The following TACC1 variants were observed in gnomAD, a reference collection of about 807,000 sequenced individuals.
The protein encoded by TACC1 is transforming acidic coiled-coil-containing protein 1.
Under a neutral mutation model 84.4 loss-of-function variants are expected in TACC1, and 48 were observed. That is an observed-to-expected ratio of 0.57 (90% confidence interval 0.45 to 0.72). TACC1 has a LOEUF of 0.72. Among genes scored for constraint, TACC1 ranks in the 30% least tolerant of loss-of-function variants. The pLI is 0.00. For missense variants in TACC1, 920 were observed against 973.0 expected (o/e 0.95, Z 0.72); for synonymous variants, 372 against 376.3 (o/e 0.99, Z 0.13).
rs140309980 is a variant in TACC1, at chr8:38,773,589, GCTAT to G, written c.27-15103_27-15100del. The stretch of plus-strand genomic sequence containing the variant: ...ATCTATCTAGCTAGCTATCTATCTA[GCTAT>G]CTATCTATCTAGCTATCTATCTAGC... On this transcript the variant is annotated intron_variant, in intron 3 of 14. Coordinates refer to the TACC1 transcript ENST00000518415. 1.7e-4 allele frequency among the ~76,000 whole-genome samples: 25 copies of G among 144,828 alleles called. No homozygotes were observed. The Middle Eastern group carries it at 0.01, about 60-fold the overall frequency.
Position 38,813,676 on chromosome 8 carries a change from G to A in TACC1, c.278-5846G>A, listed in dbSNP as rs113366850. Among the ~76,000 whole-genome samples the A allele has an allele frequency of 2.4e-3, 359 of 152,250 alleles. 7 individuals are homozygous for A. The highest frequency in any genetic ancestry group is 8.0e-3 in the African/African-American group (332 of 41,542). ...TCTCTCATCCTGTACTTATATGCAG[G>A]TTTTCTCTTCACCTCTGGGCTCCTT... On this transcript the variant is annotated intron_variant, in intron 2 of 12. Transcript: ENST00000317827.
chr8:38,747,606 T>C lies in TACC1; in HGVS notation c.26+2113T>C, dbSNP rs563970462. On this transcript the variant is annotated intron_variant, in intron 3 of 14. Coordinates refer to the TACC1 transcript ENST00000518415. Reference sequence around the variant, plus strand: ...CTGAAAAAAGCCAATTTGAAAGGGCTGTGTACTGGATGGGTCAAACTATAC... The same window carrying C: ...CTGAAAAAAGCCAATTTGAAAGGGCCGTGTACTGGATGGGTCAAACTATAC... Among the ~76,000 whole-genome samples the C allele has an allele frequency of 2.0e-5, 3 of 152,176 alleles. No homozygotes were observed. In the South Asian group the frequency reaches 6.2e-4, roughly 31 times the overall value.
chr8:38,827,956 G>C, intron 5 of TACC1: 1 of 157,464 alleles, frequency 6.4e-6, no homozygotes, highest in Non-Finnish European at 1.4e-5. Flanking sequence ...ATTACCACAA[G>C]GAGGGCACCA....
At chr8:38,769,710 GGTGT>G (rs36197847) in intron 3 of TACC1, among the ~76,000 whole-genome samples, 8 of 134,508 alleles carry the variant, frequency 5.9e-5, no homozygotes, top group Non-Finnish European at 1.3e-4. Context: ...TTGTGTGTGT[GGTGT>G]GTGTGTGAGA....
chr8:38,847,490 A>AT (rs1208684241), intron 12 of TACC1, among the ~76,000 whole-genome samples: 5 of 152,320 alleles, frequency 3.3e-5, no homozygotes, highest in Admixed American at 6.5e-5. Context: ...TCTTTACTGC[A>AT]TTTCCAATTA....
At chr8:38,834,053 A>G (rs1829763478) in intron 6 of TACC1, among the ~76,000 whole-genome samples, 1 of 152,340 alleles carries the variant, frequency 6.6e-6, no homozygotes, top group Admixed American at 6.5e-5. Flanking sequence ...TGTGTAACAC[A>G]TTACTCCAAC....
At chr8:38,758,233 T>A (rs1161271234) in intron 3 of TACC1, among the ~76,000 whole-genome samples, 1 of 152,184 alleles carries the variant, frequency 6.6e-6, no homozygotes, top group Non-Finnish European at 1.5e-5. Context: ...AAAGATACAC[T>A]TAACCATCAC....
chr8:38,809,406 T>A (rs1291055676), intron 2 of TACC1, among the ~76,000 whole-genome samples: 1 of 152,118 alleles, frequency 6.6e-6, no homozygotes, highest in East Asian at 1.9e-4. Context: ...AGAGCTTTTG[T>A]CTTGTGCTGA....
intron 2 of TACC1, among the ~76,000 whole-genome samples, chr8:38,815,760 A>G (rs1420334352): frequency 6.6e-6 from 1 of 152,126 alleles, no homozygotes; most frequent in Non-Finnish European, 1.5e-5. Flanking sequence ...ATAGTTGTAA[A>G]GATTAAAAAC....
At chr8:38,791,303 G>GCTA (rs1818594024) in intron 2 of TACC1, among the ~76,000 whole-genome samples, 2 of 152,144 alleles carry the variant, frequency 1.3e-5, no homozygotes, top group Non-Finnish European at 2.9e-5. Flanking sequence ...GATCATGAAG[G>GCTA]CTCTATGGGG....
chr8:38,748,950 C>T (rs1808532838), intron 3 of TACC1, among the ~76,000 whole-genome samples: 1 of 151,036 alleles, frequency 6.6e-6, no homozygotes, highest in African/African-American at 2.4e-5. Flanking sequence ...TAATGACAGA[C>T]ATCAATGAAT....
rs369597891 is a variant in TACC1, at chr8:38,749,551, T to C, written c.26+4058T>C. On this transcript the variant is annotated intron_variant, in intron 3 of 14. Coordinates refer to the TACC1 transcript ENST00000518415. ...CAGCAGCATAAAAAAGGTTATACAC[T>C]ATGATCAAGGGGCAATGCAAAGTTT... Among the ~76,000 whole-genome samples, 14 of 152,206 alleles carry C rather than the reference T, an allele frequency of 9.2e-5. No individual in the cohort carries two copies. In the South Asian group the frequency reaches 2.5e-3, roughly 27 times the overall value.
chr8:38,804,214 A>C (rs1462213594), intron 2 of TACC1, among the ~76,000 whole-genome samples: 1 of 152,208 alleles, frequency 6.6e-6, no homozygotes, highest in Non-Finnish European at 1.5e-5. Flanking sequence ...ATAGGAAAAC[A>C]GTTGTTCTAG....
intron 2 of TACC1, among the ~76,000 whole-genome samples, chr8:38,816,917 C>G (rs1055956775): frequency 4.6e-5 from 7 of 152,144 alleles, no homozygotes; most frequent in African/African-American, 1.4e-4. Context: ...CTGAAAGTTG[C>G]AACCCTCTAA....
At position 38,850,796 on chromosome 8, in the gene TACC1, A is replaced by C. The variant is rs1390090955; in HGVS notation, c.*2773A>C. The C allele has an allele frequency of 1.3e-5, 2 of 152,198 alleles. No homozygotes were observed. The highest frequency in any genetic ancestry group is 2.9e-5 in the Non-Finnish European group (2 of 68,406). The allele number at this position is 152,198 out of a possible 1,614,324, so 9.4% of individuals were successfully genotyped here. A position where few individuals can be genotyped will look rare whatever the true frequency, so the allele number is the denominator to read the frequency against. ...GTCTCAAAAAAAAAAAAAAAAAAAA[A>C]AAAACCAGGAGTGAAAAAGGAAAGT... On this transcript the variant is annotated 3_prime_UTR_variant, in exon 13 of 13. Transcript: ENST00000317827.
At chr8:38,751,738 A>G (rs1809071509) in intron 3 of TACC1, among the ~76,000 whole-genome samples, 1 of 152,164 alleles carries the variant, frequency 6.6e-6, no homozygotes, top group Non-Finnish European at 1.5e-5. Flanking sequence ...GCACCGAGAA[A>G]CCAAAAATTT....
intron 9 of TACC1, 134 bp downstream of exon 9, chr8:38,840,401 G>T: frequency 1.3e-6 from 1 of 750,266 alleles, no homozygotes; most frequent in Non-Finnish European, 2.2e-6. Flanking sequence ...GGAGACAGGA[G>T]AGTTCAAGGT....
chr8:38,839,359 G>T (rs980320822), intron 8 of TACC1: 2 of 395,190 alleles, frequency 5.1e-6, no homozygotes, highest in African/African-American at 2.1e-5. Context: ...AATGACTAAA[G>T]ATGAAATCAA....
intron 8 of TACC1, 53 bp from the exon 9 acceptor site, chr8:38,840,171 T>G (rs1830960055): frequency 1.4e-6 from 2 of 1,422,904 alleles, no homozygotes; most frequent in Non-Finnish European, 2.0e-6. Flanking sequence ...TTTCTCCAAC[T>G]TTCATTGTCT....
Sources: allele counts gnomAD v4.1 joint callset (sites outside exome capture counted in the v4.1 genomes callset), GRCh38; gene constraint gnomAD v4.1.1; transcripts MANE v1.5; gene names NCBI Gene and HGNC (gene_info 2026-07-23, HGNC 2026-07-21).